The following CSPP1 variants were observed in gnomAD, a reference collection of about 807,000 sequenced individuals.
CSPP1 encodes the protein centrosome and spindle pole-associated protein 1.
A neutral mutation model predicts 164.4 loss-of-function variants in CSPP1; 126 were observed. The ratio of observed to expected loss-of-function variants is 0.77; its 90% CI spans 0.66 to 0.89. CSPP1 has a LOEUF of 0.89. Ranked by LOEUF, CSPP1 falls within the 40% of genes least tolerant of loss-of-function variation. The pLI is 0.00. For missense variants in CSPP1, 1,395 were observed against 1,449.8 expected (o/e 0.96, Z 0.61); for synonymous variants, 472 against 476.7 (o/e 0.99, Z 0.13).
In CSPP1 at chr8:67,172,467, G is replaced by A. The variant is rs1309488039; in HGVS notation, c.2880G>A (p.Leu960=). 6.2e-7 allele frequency: 1 copy of A among 1,613,104 alleles called. No individual in the cohort carries two copies. The highest frequency in any genetic ancestry group is 1.1e-5 in the South Asian group (1 of 91,068). Residue 960 remains leucine, a synonymous_variant, in exon 25 of 31, where the codon TTG becomes TTA. Transcript: ENST00000678616. ...TATTTGATATGGCTAGACATCGGTT[G>A]CAAGCTCCTGTCAGAAGACAGTCCC... ...MDIFDMARHR[L]QAPVRRQSPK...
At chr8:67,108,409 A>G (rs1023988516) in intron 9 of CSPP1, among the ~76,000 whole-genome samples, 6 of 152,036 alleles carry the variant, frequency 3.9e-5, no homozygotes, top group African/African-American at 1.2e-4. Context: ...GTCAAAAAAA[A>G]AAAAAAAGAG....
chr8:67,111,378 A>G (rs1816802525), intron 9 of CSPP1, among the ~76,000 whole-genome samples: 1 of 152,176 alleles, frequency 6.6e-6, no homozygotes, highest in Non-Finnish European at 1.5e-5. Flanking sequence ...TACTGGATCT[A>G]TTGGAGCAGG....
At chr8:67,131,903 T>C in intron 15 of CSPP1, 48 bp from the exon 16 acceptor site, 2 of 1,498,958 alleles carry the variant, frequency 1.3e-6, no homozygotes, top group African/African-American at 2.8e-5. Flanking sequence ...ATTTTCTTCT[T>C]GCTTTGTCGT....
chr8:67,165,990 G>GTCA (rs1173706285), intron 24 of CSPP1, among the ~76,000 whole-genome samples: 1 of 152,076 alleles, frequency 6.6e-6, no homozygotes, highest in Non-Finnish European at 1.5e-5. Context: ...ATTTATTACT[G>GTCA]TCATCTCATG....
At chr8:67,107,906 C>T (rs760801295) in intron 9 of CSPP1, among the ~76,000 whole-genome samples, 1 of 150,140 alleles carries the variant, frequency 6.7e-6, no homozygotes, top group Non-Finnish European at 1.5e-5. Context: ...ATTGACTGCT[C>T]GTTTAAGCCT....
intron 15 of CSPP1, among the ~76,000 whole-genome samples, chr8:67,128,919 C>T (rs920134415): frequency 2.6e-5 from 4 of 151,984 alleles, no homozygotes; most frequent in South Asian, 2.1e-4. Context: ...ATTCCTTGTC[C>T]GTTAATTGGG....
chr8:67,145,048 T>TC (rs1423145753), intron 17 of CSPP1, among the ~76,000 whole-genome samples: 1 of 136,880 alleles, frequency 7.3e-6, no homozygotes, highest in Non-Finnish European at 1.5e-5. Flanking sequence ...AGAGCGGGAC[T>TC]CCATCTCAAA....
intron 3 of CSPP1, among the ~76,000 whole-genome samples, chr8:67,076,812 G>T (rs1808015494): frequency 6.6e-6 from 1 of 152,136 alleles, no homozygotes; most frequent in South Asian, 2.1e-4. Context: ...ATAGAAGAAG[G>T]TGTGTATAAC....
intron 20 of CSPP1, 44 bp from the exon 21 acceptor site, chr8:67,158,947 T>C: frequency 1.4e-6 from 2 of 1,465,416 alleles, no homozygotes; most frequent in Non-Finnish European, 1.9e-6. Flanking sequence ...GAATGTACTA[T>C]AGAAGGAATA....
chr8:67,185,355 A>G (rs1834293728), intron 28 of CSPP1, among the ~76,000 whole-genome samples: 1 of 152,240 alleles, frequency 6.6e-6, no homozygotes, highest in African/African-American at 2.4e-5. Flanking sequence ...GATAATGATG[A>G]AAATGAGCAC....
chr8:67,073,524 A>C (rs1807281951), intron 1 of CSPP1, among the ~76,000 whole-genome samples: 1 of 152,212 alleles, frequency 6.6e-6, no homozygotes, highest in Non-Finnish European at 1.5e-5. Flanking sequence ...TACCTAACTT[A>C]GATGGGATCC....
At chr8:67,143,969 CCAGTACAGTGTT>C (rs1824000264) in intron 17 of CSPP1, among the ~76,000 whole-genome samples, 2 of 152,224 alleles carry the variant, frequency 1.3e-5, no homozygotes, top group South Asian at 4.1e-4. Context: ...TTTAAGAACT[CCAGTACAGTGTT>C]AAGAATTCAT....
intron 10 of CSPP1, 107 bp downstream of exon 10, chr8:67,112,172 G>T: frequency 9.5e-6 from 5 of 527,428 alleles, no homozygotes; most frequent in Non-Finnish European, 1.3e-5. Context: ...TGTTTGATTT[G>T]TAAATCACTT....
intron 3 of CSPP1, among the ~76,000 whole-genome samples, chr8:67,085,316 T>C (rs1208780564): frequency 2.6e-5 from 4 of 152,068 alleles, no homozygotes; most frequent in South Asian, 4.1e-4. Flanking sequence ...GTGGTTTAAC[T>C]TTAGAAGTTT....
intron 30 of CSPP1, among the ~76,000 whole-genome samples, 189 bp from the exon 31 acceptor site, chr8:67,195,193 C>G (rs909177392): frequency 2.0e-5 from 3 of 152,042 alleles, no homozygotes; most frequent in African/African-American, 7.2e-5. Flanking sequence ...CCTTTGTGGG[C>G]CCACTCTCCT....
intron 16 of CSPP1, chr8:67,134,551 CTTTTTTTTTTTTT>C (rs35436646): frequency 1.9e-5 from 2 of 104,722 alleles, no homozygotes; most frequent in African/African-American, 8.2e-5. Flanking sequence ...TTAGCATCAT[CTTTTTTTTTTTTT>C]TTTTTTTTTT....
chr8:67,146,774 G>A (rs74520088), intron 17 of CSPP1, among the ~76,000 whole-genome samples: 2,379 of 152,158 alleles, frequency 0.016, 56 homozygotes, highest in African/African-American at 0.053. Context: ...TTTTTATAAT[G>A]AGCTAATTCA....
Position 67,122,064 on chromosome 8 carries a change from C to T in CSPP1, c.1697+3243C>T, listed in dbSNP as rs530224794. ...TTTATTTATTTATTTATTTTTCTGA[C>T]CTCATTCTTCCCATCACAGAATTCC... On this transcript the variant is annotated intron_variant, in intron 15 of 30. Coordinates refer to ENST00000678616, the MANE Select transcript of CSPP1 (RefSeq NM_001382391.1). Among the ~76,000 whole-genome samples the T allele has an allele frequency of 9.2e-5, 14 of 151,800 alleles. No individual in the cohort carries two copies. In the South Asian group the frequency reaches 2.9e-3, roughly 31 times the overall value.
intron 1 of CSPP1, chr8:67,069,122 T>C: frequency 6.6e-6 from 1 of 152,366 alleles, no homozygotes. Context: ...GGGTTCCCCA[T>C]GGTGTGTGTT....
Sources: gnomAD v4.1 joint callset for allele counts (sites outside exome capture counted in the v4.1 genomes callset) on GRCh38, gnomAD v4.1.1 for gene constraint, MANE v1.5 for transcripts, NCBI Gene and HGNC (gene_info 2026-07-23, HGNC 2026-07-21) for gene names.